Variants in PNPT1 observed in about 807,000 individuals in gnomAD.
PNPT1 encodes the protein polyribonucleotide nucleotidyltransferase 1.
A neutral mutation model predicts 119.5 loss-of-function variants in PNPT1; 53 were observed. The ratio of observed to expected loss-of-function variants is 0.44; its 90% CI spans 0.36 to 0.56. The LOEUF (loss-of-function observed/expected upper bound fraction) is 0.56. PNPT1 is among the 20% of genes least tolerant of loss of function. The probability of loss-of-function intolerance (pLI) is 0.00; values close to 1 mark genes in which losing one functional copy is unlikely to be tolerated. For missense variants in PNPT1, 948 were observed against 938.5 expected, an observed-to-expected ratio of 1.01 and a Z score of -0.13; for synonymous variants, 357 against 322.1, an observed-to-expected ratio of 1.11 and a Z score of -1.16.
intron 23 of PNPT1, among the ~76,000 whole-genome samples, chr2:55,644,199 C>A (rs1427838705): frequency 1.3e-5 from 2 of 152,082 alleles, no homozygotes; most frequent in Non-Finnish European, 2.9e-5. Context: ...CTTGCAGTAA[C>A]CTCAAACCTT....
chr2:55,667,751 C>A, intron 12 of PNPT1, 111 bp downstream of exon 12: 2 of 1,335,142 alleles, frequency 1.5e-6, no homozygotes, highest in South Asian at 1.4e-5. Context: ...TATTATAATT[C>A]TTTACTGTTC....
intron 12 of PNPT1, among the ~76,000 whole-genome samples, chr2:55,667,511 G>A (rs1015941038): frequency 2.0e-5 from 3 of 151,908 alleles, no homozygotes; most frequent in East Asian, 1.9e-4. Context: ...GGAGAATGAC[G>A]TGAACCCGGA....
intron 3 of PNPT1, among the ~76,000 whole-genome samples, chr2:55,685,880 C>T (rs1697390407): frequency 6.6e-6 from 1 of 152,082 alleles, no homozygotes; most frequent in Non-Finnish European, 1.5e-5. Flanking sequence ...TACATATAAT[C>T]CTTAATACAA....
rs745589532 is a variant in PNPT1 at position 55,673,003 on chromosome 2, G to T, written c.756C>A (p.Thr252=). 8 of 1,612,612 alleles carry T rather than the reference G, an allele frequency of 5.0e-6. No individual in the cohort carries two copies. The Middle Eastern group carries it at 1.4e-3, about 288-fold the overall frequency. ...GCTGAATGCCCTGAATTATTTGTTG[G>T]GTATATTTCACTCCCACTTTGATAG... ...CHAIKVGVKY[T]QQIIQGIQQL... The change falls in exon 9 of 28, where the codon ACC becomes ACA. Residue 252 remains threonine, a synonymous_variant. Transcript: ENST00000447944.
In PNPT1 at chr2:55,645,357, G is replaced by T. The variant is rs1172004107; in HGVS notation, c.1814C>A (p.Pro605His). Residue 605 changes from proline to histidine, a missense_variant, in exon 22 of 28, where the codon CCT becomes CAT. Coordinates refer to ENST00000447944, the MANE Select transcript of PNPT1 (RefSeq NM_033109.5). ...AAATTTTAATGTATTACCTACAACA[G>T]GTCCATTTTCTTTTCTAGATGCTCG... is the stretch of plus-strand genomic sequence containing the variant. ...KPRASRKENG[P>H]VVETVQVPLS... is the part of the protein sequence containing the mutation. 1 of 1,605,836 alleles carries T rather than the reference G, an allele frequency of 6.2e-7. No homozygotes were observed. The highest frequency in any genetic ancestry group is 1.1e-5 in the South Asian group (1 of 90,860).
chr2:55,687,274 T>G (rs1465184884), intron 2 of PNPT1, among the ~76,000 whole-genome samples: 1 of 149,530 alleles, frequency 6.7e-6, no homozygotes, highest in Non-Finnish European at 1.5e-5. Flanking sequence ...ACCCCGTCTC[T>G]ACTAAAAATA....
intron 13 of PNPT1, among the ~76,000 whole-genome samples, chr2:55,666,732 C>T (rs979952510): frequency 1.3e-5 from 2 of 152,138 alleles, no homozygotes; most frequent in Non-Finnish European, 2.9e-5. Context: ...GTCCCAGCTA[C>T]TCAGGAAGCC....
intron 10 of PNPT1, among the ~76,000 whole-genome samples, 153 bp downstream of exon 10, chr2:55,671,842 C>G (rs1696926462): frequency 6.6e-6 from 1 of 151,502 alleles, no homozygotes; most frequent in Admixed American, 6.6e-5. Context: ...CAAAACAAAA[C>G]AAAAGAATGG....
At chr2:55,681,293 A>G (rs782618) in intron 5 of PNPT1, among the ~76,000 whole-genome samples, 141,554 of 152,180 alleles carry the variant, frequency 0.93, 66,378 homozygotes, top group African/African-American at 0.96. Flanking sequence ...TGTAGTCCCA[A>G]CTAATCAGGA....
chr2:55,679,128 C>T (rs970258076), intron 8 of PNPT1, among the ~76,000 whole-genome samples: 4 of 152,138 alleles, frequency 2.6e-5, no homozygotes, highest in Admixed American at 1.3e-4. Flanking sequence ...ACCTGATTTT[C>T]GTTCATGCAA....
rs566113211 is a variant in PNPT1, at chr2:55,636,286, C to A, written c.2303G>T (p.Ser768Ile). The A allele has an allele frequency of 4.3e-6, 7 of 1,613,594 alleles. No individual in the cohort carries two copies. The highest frequency in any genetic ancestry group is 1.7e-5 in the Admixed American group (1 of 59,984). The stretch of plus-strand genomic sequence containing the variant: ...TGAAATAGGTTCTCCCATTACAATA[C>A]TACTTCTGTCATTCAAAGTTCTGAC... ...TVVRTLNDRS[S>I]IVMGEPISQS... Residue 768 changes from serine (S) to isoleucine (I), a missense_variant, in exon 28 of 28, where the codon AGT (serine) becomes ATT (isoleucine). Coordinates refer to ENST00000447944, the MANE Select transcript of PNPT1 (RefSeq NM_033109.5).
intron 27 of PNPT1, 146 bp from the exon 28 acceptor site, chr2:55,636,538 G>A (rs1035853648): frequency 1.4e-5 from 11 of 778,178 alleles, no homozygotes; most frequent in African/African-American, 1.0e-4. Context: ...CTAAGTGGAC[G>A]TATACACTTA....
Position 55,656,112 on chromosome 2 carries a change from AAGTATTTCAAT to A in PNPT1, c.1441+8_1441+18del, listed in dbSNP as rs747272575. The A allele has an allele frequency of 1.2e-6, 2 of 1,600,764 alleles. No individual in the cohort carries two copies. The highest frequency in any genetic ancestry group is 1.7e-6 in the Non-Finnish European group (2 of 1,176,094). ...AATATGGTCTTTTCTACTATGAAAGAAGTATTTCAATACCATACCATTTGACTCTAGGACTT... is the reference window on the plus strand; with the variant it reads ...AATATGGTCTTTTCTACTATGAAAGAACCATACCATTTGACTCTAGGACTT... On this transcript the variant is annotated splice_region_variant and intron_variant, in intron 17 of 27. Transcript: ENST00000447944.
chr2:55,652,256 A>C (rs560230778), intron 18 of PNPT1, among the ~76,000 whole-genome samples: 1 of 152,196 alleles, frequency 6.6e-6, no homozygotes, highest in Non-Finnish European at 1.5e-5. Context: ...TGCCTGACTT[A>C]GGGCAGGGCA....
intron 26 of PNPT1, among the ~76,000 whole-genome samples, chr2:55,637,973 C>G (rs1164339258): frequency 6.9e-6 from 1 of 144,208 alleles, no homozygotes; most frequent in African/African-American, 2.6e-5. Context: ...GCACTCCAGC[C>G]TGGGTGACAG....
At position 55,679,797 on chromosome 2, in the gene PNPT1, TA is replaced by T; in HGVS notation, c.566-3del. ...CAATTATTCCTATTCGTACTGCCCCTAAAATGTATTAGAATATTGGCAACTG... is the reference window on the plus strand; with the variant it reads ...CAATTATTCCTATTCGTACTGCCCCTAAATGTATTAGAATATTGGCAACTG... On this transcript the variant is annotated splice_polypyrimidine_tract_variant and splice_region_variant and intron_variant, in intron 7 of 27. Transcript: ENST00000447944. The T allele has an allele frequency of 6.3e-7, 1 of 1,582,462 alleles. No homozygotes were observed. The highest frequency in any genetic ancestry group is 8.6e-7 in the Non-Finnish European group (1 of 1,156,894).
Position 55,693,788 on chromosome 2 carries a change from C to T in PNPT1, c.36G>A (p.Arg12=). The T allele has an allele frequency of 1.9e-6, 3 of 1,614,016 alleles. No individual in the cohort carries two copies. Among genetic ancestry groups the T allele is most frequent in the Non-Finnish European group, 2.5e-6 (3 of 1,180,048 alleles). The stretch of plus-strand genomic sequence containing the variant: ...AAGGACCATCGCTCAGGGGCCGGAG[C>T]CGGAGGCACGAGCAGCAGTACCTGC... ...AACRYCCSCL[R]LRPLSDGPFL... Residue 12 remains arginine (R), a synonymous_variant, in exon 1 of 28, where the codon CGG becomes CGA. Coordinates refer to ENST00000447944, the MANE Select transcript of PNPT1 (RefSeq NM_033109.5).
intron 1 of PNPT1, among the ~76,000 whole-genome samples, chr2:55,689,996 A>AT (rs1402405903): frequency 6.6e-6 from 1 of 151,926 alleles, no homozygotes; most frequent in Non-Finnish European, 1.5e-5. Context: ...TAATTTTTAA[A>AT]TTTTTTGTAG....
chr2:55,674,794 T>C (rs999548187), intron 8 of PNPT1, among the ~76,000 whole-genome samples: 19 of 152,168 alleles, frequency 1.2e-4, no homozygotes, highest in African/African-American at 4.1e-4. Flanking sequence ...AAGGTTTCCA[T>C]ATTTTGCACC....
Sources: allele counts gnomAD v4.1 joint callset (sites outside exome capture counted in the v4.1 genomes callset), GRCh38; gene constraint gnomAD v4.1.1; transcripts MANE v1.5; gene names NCBI Gene and HGNC (gene_info 2026-07-23, HGNC 2026-07-21).